The following CSAD variants were observed in gnomAD, a reference collection of about 807,000 sequenced individuals.
CSAD encodes cysteine sulfinic acid decarboxylase.
Under a neutral mutation model 61.5 loss-of-function variants are expected in CSAD, and 47 were observed. That is an observed-to-expected ratio of 0.76 (90% CI 0.60 to 0.97). The LOEUF is 0.97. Ranked by LOEUF, CSAD falls within the 50% of genes least tolerant of loss-of-function variation. CSAD has a pLI of 0.00. For synonymous variants in CSAD, 245 were observed against 252.7 expected, an observed-to-expected ratio of 0.97 and a Z score of 0.29; for missense variants, 611 against 643.6, an observed-to-expected ratio of 0.95 and a Z score of 0.55.
At chr12:53,168,668 T>C (rs1940198236) in intron 10 of CSAD, among the ~76,000 whole-genome samples, 1 of 152,180 alleles carries the variant, frequency 6.6e-6, no homozygotes, top group Non-Finnish European at 1.5e-5. Context: ...ATAATAGTAA[T>C]AAATAATAAT....
intron 1 of CSAD, chr12:53,180,481 G>T (rs1423342197): frequency 2.5e-6 from 3 of 1,216,812 alleles, no homozygotes; most frequent in South Asian, 1.4e-5. Context: ...TCTCGATGGC[G>T]GCCGGGGCGC....
rs1364629050 is a variant in CSAD at position 53,180,919 on chromosome 12, C to T, written c.-278G>A. On this transcript the variant is annotated 5_prime_UTR_variant, in exon 1 of 17. Coordinates refer to ENST00000444623, the MANE Select transcript of CSAD (RefSeq NM_001244705.2). ...AGCTCGCAAGCCGTGGGGTGCCGCG[C>T]GGGAAGGGGGAGGGGAGGGGAGGAG... The T allele has an allele frequency of 4.0e-6, 2 of 502,432 alleles. No homozygotes were observed. The allele number at this position is 502,432 out of a possible 1,614,324, so 31.1% of individuals were successfully genotyped here.
intron 2 of CSAD, among the ~76,000 whole-genome samples, chr12:53,174,685 T>A (rs1462419450): frequency 1.3e-5 from 2 of 152,018 alleles, no homozygotes; most frequent in Non-Finnish European, 2.9e-5. Context: ...TCCCAGCTAC[T>A]CAGGAGGCTG....
intron 10 of CSAD, among the ~76,000 whole-genome samples, chr12:53,162,362 G>A (rs1008076516): frequency 6.6e-6 from 1 of 152,064 alleles, no homozygotes; most frequent in East Asian, 1.9e-4. Flanking sequence ...GAGATCAGGA[G>A]TTCAAGACCA....
chr12:53,160,417 T>C, intron 13 of CSAD, 98 bp from the exon 14 acceptor site: 4 of 1,251,556 alleles, frequency 3.2e-6, no homozygotes, highest in African/African-American at 1.5e-5. Flanking sequence ...TACCCTCTTC[T>C]TTCCCTGGAG....
At chr12:53,169,572 G>A (rs1206905715) in intron 10 of CSAD, among the ~76,000 whole-genome samples, 1 of 151,794 alleles carries the variant, frequency 6.6e-6, no homozygotes, top group Non-Finnish European at 1.5e-5. Flanking sequence ...GGGTGACTGA[G>A]TGAGACTCTG....
Position 53,171,993 on chromosome 12 carries a change from C to G in CSAD, c.345-5G>C, listed in dbSNP as rs780189997. 6.2e-7 allele frequency: 1 copy of G among 1,608,362 alleles called. No homozygotes were observed. Among genetic ancestry groups the G allele is most frequent in the Non-Finnish European group, 8.5e-7 (1 of 1,174,978 alleles). On this transcript the variant is annotated splice_region_variant and splice_polypyrimidine_tract_variant and intron_variant, in intron 6 of 16. Transcript: ENST00000444623. ...GGGGCGATTTCATATGTGTACCTGC[C>G]AGGAGAGAGAACGACGAGAAAGGAG... is the stretch of plus-strand genomic sequence containing the variant.
At chr12:53,160,048 G>A (rs1184774747) in intron 14 of CSAD, 72 bp downstream of exon 14, 1 of 1,601,492 alleles carries the variant, frequency 6.2e-7, no homozygotes, top group Non-Finnish European at 8.5e-7. Context: ...GTAATCCCGG[G>A]AGCAGGAAAG....
Position 53,161,148 on chromosome 12 carries a change from T to C in CSAD, c.863A>G (p.His288Arg), listed in dbSNP as rs1939232293. Residue 288 changes from histidine (H) to arginine (R), a missense_variant, in exon 12 of 17, where the codon CAT (histidine) becomes CGT (arginine). Physicochemically the swap from His to Arg is conservative, Grantham distance 29. Transcript: ENST00000444623. Reference protein sequence around the residue: ...GSVLLSQTHRHLLDGIQRADS... With the variant: ...GSVLLSQTHRRLLDGIQRADS... Reference sequence around the variant, plus strand: ...GCACCTCTGGATCCCATCCAGGAGATGCCTGTGTGTCTGTGACAGCAGGAC... The same window carrying C: ...GCACCTCTGGATCCCATCCAGGAGACGCCTGTGTGTCTGTGACAGCAGGAC... 1.9e-6 allele frequency: 3 copies of C among 1,614,142 alleles called. No homozygotes were observed. Among genetic ancestry groups the C allele is most frequent in the Non-Finnish European group, 2.5e-6 (3 of 1,180,016 alleles).
At chr12:53,160,986 C>T (rs928512105) in intron 12 of CSAD, 141 bp downstream of exon 12, 7 of 1,136,518 alleles carry the variant, frequency 6.2e-6, no homozygotes, top group Non-Finnish European at 9.0e-6. Flanking sequence ...CATGTCTGAC[C>T]TCCCAGCTCC....
chr12:53,169,341 T>G (rs1431122291), intron 10 of CSAD, among the ~76,000 whole-genome samples: 1 of 151,978 alleles, frequency 6.6e-6, no homozygotes, highest in Non-Finnish European at 1.5e-5. Context: ...TAGCCAGGCC[T>G]GGTGGCACAC....
chr12:53,180,571 C>T, intron 1 of CSAD, 161 bp downstream of exon 1: 1 of 1,284,752 alleles, frequency 7.8e-7, no homozygotes, highest in South Asian at 1.2e-5. Flanking sequence ...ACTCACCCAG[C>T]TGCACCTCTC....
chr12:53,179,001 G>A (rs1308722512), intron 2 of CSAD, 101 bp downstream of exon 2: 1 of 152,126 alleles, frequency 6.6e-6, no homozygotes, highest in Non-Finnish European at 1.5e-5. Context: ...TTACAGGCAT[G>A]TGCCACCACG....
At chr12:53,179,810 T>C (rs764540173) in intron 1 of CSAD, 8 of 1,613,680 alleles carry the variant, frequency 5.0e-6, no homozygotes, top group East Asian at 4.5e-5. Flanking sequence ...AATTGACATC[T>C]CCTTCCATCA....
intron 10 of CSAD, among the ~76,000 whole-genome samples, chr12:53,169,675 G>A (rs911166541): frequency 1.2e-4 from 18 of 151,958 alleles, no homozygotes; most frequent in Admixed American, 7.2e-4. Context: ...CATACCCCTC[G>A]AAGTAGAGGA....
chr12:53,160,310 T>C lies in CSAD; in HGVS notation c.976A>G (p.Lys326Glu). ...LLLQDTSNLLKRCHGSQASYL... is the reference protein window; with the variant it reads ...LLLQDTSNLLERCHGSQASYL... ...CTGGCCTGGGACCCATGGCAGCGCT[T>C]GAGCAGGTTCTGTGTGGGGGTGAGG... The change falls in exon 14 of 17, where the codon AAG (lysine) becomes GAG (glutamate). Residue 326 changes from lysine (K) to glutamate (E), a missense_variant. Coordinates refer to ENST00000444623, the MANE Select transcript of CSAD (RefSeq NM_001244705.2). 1.2e-6 allele frequency: 2 copies of C among 1,614,166 alleles called. No homozygotes were observed. Among genetic ancestry groups the C allele is most frequent in the Non-Finnish European group, 1.7e-6 (2 of 1,180,022 alleles).
intron 8 of CSAD, 41 bp from the exon 9 acceptor site, chr12:53,170,543 G>T (rs767824753): frequency 6.7e-7 from 1 of 1,486,632 alleles, no homozygotes; most frequent in Admixed American, 1.7e-5. Flanking sequence ...CAACTTGATG[G>T]GGGAGGGGAG....
chr12:53,172,225 G>A (rs1343668079), intron 6 of CSAD, 121 bp downstream of exon 6: 95 of 998,702 alleles, frequency 9.5e-5, no homozygotes, highest in East Asian at 6.7e-4. Context: ...ACTCTCTGCC[G>A]ACAGGGATTC....
intron 10 of CSAD, among the ~76,000 whole-genome samples, chr12:53,163,042 CAA>C (rs1565652924): frequency 6.9e-6 from 1 of 144,946 alleles, no homozygotes; most frequent in East Asian, 2.0e-4. Flanking sequence ...GCCTGGGCAA[CAA>C]GAGCAAAACT....
Sources: gnomAD v4.1 joint callset for allele counts (sites outside exome capture counted in the v4.1 genomes callset) on GRCh38, gnomAD v4.1.1 for gene constraint, MANE v1.5 for transcripts, NCBI Gene and HGNC (gene_info 2026-07-23, HGNC 2026-07-21) for gene names.